UNC5D: variants seen among roughly 807,000 people sequenced by gnomAD.
The protein encoded by UNC5D is unc-5 netrin receptor D, also known as netrin receptor UNC5D.
A neutral mutation model predicts 105.4 loss-of-function variants in UNC5D; 39 were observed. The ratio of observed to expected loss-of-function variants is 0.37; its 90% confidence interval spans 0.29 to 0.48. The LOEUF is 0.48. UNC5D is among the 20% of genes least tolerant of loss of function. UNC5D has a pLI of 0.98. For synonymous variants in UNC5D, 452 were observed against 450.4 expected (o/e 1.00, Z -0.04); for missense variants, 991 against 1,202.4 (o/e 0.82, Z 2.60).
At chr8:35,715,755 A>G (rs1828218775) in intron 8 of UNC5D, among the ~76,000 whole-genome samples, 1 of 152,050 alleles carries the variant, frequency 6.6e-6, no homozygotes, top group Non-Finnish European at 1.5e-5. Context: ...AGAATAATGA[A>G]TGAGGCCAGG....
At chr8:35,739,118 G>C (rs1829618395) in intron 11 of UNC5D, among the ~76,000 whole-genome samples, 1 of 152,056 alleles carries the variant, frequency 6.6e-6, no homozygotes, top group Non-Finnish European at 1.5e-5. Flanking sequence ...ATTCTTTCAG[G>C]CTACCAGTGC....
At chr8:35,746,377 A>T (rs1407487623) in intron 11 of UNC5D, among the ~76,000 whole-genome samples, 1 of 152,150 alleles carries the variant, frequency 6.6e-6, no homozygotes, top group Non-Finnish European at 1.5e-5. Flanking sequence ...GGAGAAAAAA[A>T]TGGAGAGATT....
Position 35,702,496 on chromosome 8 carries a change from T to C in UNC5D, c.1085-3433T>C, listed in dbSNP as rs184221132. On this transcript the variant is annotated intron_variant, in intron 7 of 16. Coordinates refer to ENST00000404895, the MANE Select transcript of UNC5D (RefSeq NM_080872.4). The stretch of plus-strand genomic sequence containing the variant: ...AAGAACCATGGCCCTAATGGATTAA[T>C]TTACTAAGGGTCATTTTAACTTGGC... 1.1e-3 allele frequency among the ~76,000 whole-genome samples: 160 copies of C among 151,420 alleles called. 1 individual carries two copies. The highest frequency in any genetic ancestry group is 3.7e-3 in the African/African-American group (151 of 41,290).
intron 1 of UNC5D, among the ~76,000 whole-genome samples, chr8:35,237,525 A>C (rs1256771028): frequency 6.6e-6 from 1 of 152,046 alleles, no homozygotes; most frequent in Non-Finnish European, 1.5e-5. Context: ...CGTTGTCTTG[A>C]AGCCAGCTCG....
chr8:35,765,731 A>G (rs1371683232), intron 14 of UNC5D, among the ~76,000 whole-genome samples: 2 of 152,158 alleles, frequency 1.3e-5, no homozygotes, highest in African/African-American at 2.4e-5. Flanking sequence ...GGTCATTTCA[A>G]TCGTGCTCTT....
At chr8:35,261,331 T>C (rs922505890) in intron 1 of UNC5D, among the ~76,000 whole-genome samples, 3 of 152,178 alleles carry the variant, frequency 2.0e-5, no homozygotes, top group African/African-American at 7.2e-5. Context: ...TCCAGTTATT[T>C]CAGTAAAAAA....
intron 4 of UNC5D, among the ~76,000 whole-genome samples, chr8:35,649,203 T>C (rs922298986): frequency 3.3e-5 from 5 of 152,210 alleles, no homozygotes; most frequent in African/African-American, 1.2e-4. Context: ...GGAACTATTA[T>C]ATGGACTAGG....
chr8:35,619,243 G>A (rs1048991214), intron 4 of UNC5D, among the ~76,000 whole-genome samples: 4 of 152,156 alleles, frequency 2.6e-5, no homozygotes, highest in African/African-American at 9.7e-5. Flanking sequence ...CCAAGACATT[G>A]CAGAATATAA....
At chr8:35,590,028 T>C (rs889909317) in intron 3 of UNC5D, among the ~76,000 whole-genome samples, 2 of 152,030 alleles carry the variant, frequency 1.3e-5, no homozygotes, top group Non-Finnish European at 2.9e-5. Context: ...AGGACATATA[T>C]TGATGGTTCC....
intron 4 of UNC5D, among the ~76,000 whole-genome samples, chr8:35,640,431 G>A (rs1822641552): frequency 6.6e-6 from 1 of 152,142 alleles, no homozygotes; most frequent in Admixed American, 6.6e-5. Flanking sequence ...AATGTAGCTT[G>A]TGGTCAAAAC....
intron 4 of UNC5D, among the ~76,000 whole-genome samples, chr8:35,642,018 A>T (rs1563622585): frequency 6.6e-6 from 1 of 152,090 alleles, no homozygotes; most frequent in Non-Finnish European, 1.5e-5. Flanking sequence ...TCTCTTAAAG[A>T]GCATTGCCAT....
chr8:35,665,002 T>A (rs149367886), intron 4 of UNC5D, among the ~76,000 whole-genome samples: 91 of 152,158 alleles, frequency 6.0e-4, no homozygotes, highest in African/African-American at 2.2e-3. Context: ...CCCAGCTAAT[T>A]TTTTAAGTTT....
At chr8:35,264,277 C>T (rs1275645882) in intron 1 of UNC5D, among the ~76,000 whole-genome samples, 1 of 152,202 alleles carries the variant, frequency 6.6e-6, no homozygotes, top group Non-Finnish European at 1.5e-5. Context: ...AATTCTTCCA[C>T]AAGCTTTCAA....
intron 1 of UNC5D, among the ~76,000 whole-genome samples, chr8:35,506,181 A>G (rs1215209154): frequency 6.6e-6 from 1 of 152,204 alleles, no homozygotes; most frequent in Admixed American, 6.5e-5. Context: ...GTGATCCTCA[A>G]TGTGTTGACT....
At chr8:35,533,974 A>T (rs1428183412) in intron 1 of UNC5D, among the ~76,000 whole-genome samples, 1 of 151,926 alleles carries the variant, frequency 6.6e-6, no homozygotes, top group Non-Finnish European at 1.5e-5. Context: ...TAAACCCGGT[A>T]CCTCAGATGG....
intron 1 of UNC5D, among the ~76,000 whole-genome samples, chr8:35,503,531 G>A (rs1311691035): frequency 6.6e-6 from 1 of 152,130 alleles, no homozygotes; most frequent in African/African-American, 2.4e-5. Context: ...AGATTTGGGT[G>A]GGGACACAGC....
intron 9 of UNC5D, 111 bp from the exon 10 acceptor site, chr8:35,726,041 T>C: frequency 1.4e-6 from 2 of 1,411,760 alleles, no homozygotes; most frequent in Non-Finnish European, 1.9e-6. Context: ...TAGCTTGGAT[T>C]GGAACTGCTG....
At chr8:35,720,181 T>C (rs1828498563) in intron 8 of UNC5D, among the ~76,000 whole-genome samples, 1 of 152,212 alleles carries the variant, frequency 6.6e-6, no homozygotes, top group Non-Finnish European at 1.5e-5. Context: ...GGATGTTCAC[T>C]GCCACTGAAT....
At chr8:35,736,780 A>G (rs1829491910) in intron 11 of UNC5D, among the ~76,000 whole-genome samples, 1 of 152,224 alleles carries the variant, frequency 6.6e-6, no homozygotes. Flanking sequence ...AGCATCACAT[A>G]TTTTGGAAGC....
Sources: allele counts gnomAD v4.1 joint callset (sites outside exome capture counted in the v4.1 genomes callset), GRCh38; gene constraint gnomAD v4.1.1; transcripts MANE v1.5; gene names NCBI Gene and HGNC (gene_info 2026-07-23, HGNC 2026-07-21).